THBS4: variants seen among roughly 807,000 people sequenced by gnomAD.
THBS4 encodes the protein thrombospondin-4.
THBS4 carries 90 observed loss-of-function variants against 115.7 expected under a neutral mutation model. That is an observed-to-expected ratio of 0.78 (90% CI 0.66 to 0.93). The LOEUF (loss-of-function observed/expected upper bound fraction) is 0.93, where lower values mean the gene tolerates loss of function less well. Ranked by LOEUF, THBS4 falls within the 40% of genes least tolerant of loss-of-function variation. THBS4 has a pLI of 0.00. For synonymous variants in THBS4, 460 were observed against 479.3 expected, an observed-to-expected ratio of 0.96 and a Z score of 0.53; for missense variants, 1,087 against 1,232.7, an observed-to-expected ratio of 0.88 and a Z score of 1.77.
At chr5:80,047,308 GACAC>G (rs1168201489) in intron 2 of THBS4, among the ~76,000 whole-genome samples, 1 of 152,124 alleles carries the variant, frequency 6.6e-6, no homozygotes, top group Non-Finnish European at 1.5e-5. Context: ...ATTTCACAAG[GACAC>G]TGTCAAGTCA....
chr5:80,074,583 C>T (rs1480912512), intron 15 of THBS4, among the ~76,000 whole-genome samples: 1 of 151,758 alleles, frequency 6.6e-6, no homozygotes, highest in African/African-American at 2.4e-5. Context: ...CTGACCCAAA[C>T]CTTACTCAAG....
chr5:80,005,819 T>C (rs1832004273), intron 2 of THBS4, among the ~76,000 whole-genome samples: 2 of 142,128 alleles, frequency 1.4e-5, no homozygotes, highest in Non-Finnish European at 3.0e-5. Flanking sequence ...CAGGCTGGAG[T>C]GCAGTGGCGC....
In THBS4 at chr5:80,056,035, AGG is replaced by A. The variant is rs752633367; in HGVS notation, c.540+4_540+5del. On this transcript the variant is annotated splice_donor_5th_base_variant and intron_variant, in intron 3 of 21. Coordinates refer to ENST00000350881, the MANE Select transcript of THBS4 (RefSeq NM_003248.6). ...GGACTTTCCAGAGGAAGCCACAGGT[AGG>A]AACCCACAAACCATTCTCTGAAGTG... 7 of 1,593,700 alleles carry A rather than the reference AGG, an allele frequency of 4.4e-6. No homozygotes were observed. Among genetic ancestry groups the A allele is most frequent in the South Asian group, 3.3e-5 (3 of 89,684 alleles).
chr5:80,057,775 A>T (rs1183532022), intron 3 of THBS4, among the ~76,000 whole-genome samples: 1 of 152,232 alleles, frequency 6.6e-6, no homozygotes, highest in Non-Finnish European at 1.5e-5. Context: ...ATTCATTCTC[A>T]TATCCCAAAG....
intron 2 of THBS4, among the ~76,000 whole-genome samples, chr5:80,014,911 G>A (rs1832217143): frequency 6.6e-6 from 1 of 152,160 alleles, no homozygotes; most frequent in Non-Finnish European, 1.5e-5. Context: ...ATAGAAAGGA[G>A]GAAAAAGAGT....
rs757235946 is a variant in THBS4, at chr5:80,055,771, G to A, written c.293-14G>A. 6.2e-7 allele frequency: 1 copy of A among 1,607,892 alleles called. No homozygotes were observed. The highest frequency in any genetic ancestry group is 8.5e-7 in the Non-Finnish European group (1 of 1,176,006). ...CACTTATCACACCATTGGTTGACCT[G>A]TGCTTGCTTCCAGCCATCCTCCGTT... On this transcript the variant is annotated splice_polypyrimidine_tract_variant and intron_variant, in intron 2 of 21. Transcript: ENST00000350881.
chr5:80,063,419 G>A (rs146532830), intron 8 of THBS4, among the ~76,000 whole-genome samples: 3,318 of 152,170 alleles, frequency 0.022, 118 homozygotes, highest in African/African-American at 0.075. Context: ...TAAGTTCTTT[G>A]TAGATTCTGG....
intron 14 of THBS4, 49 bp downstream of exon 14, chr5:80,072,445 CAA>C: frequency 6.6e-7 from 1 of 1,518,408 alleles, no homozygotes; most frequent in East Asian, 2.3e-5. Flanking sequence ...TTCCTCTATG[CAA>C]AGACTCATTT....
chr5:80,012,225 A>G (rs1001196787), intron 2 of THBS4, among the ~76,000 whole-genome samples: 2 of 152,218 alleles, frequency 1.3e-5, no homozygotes, highest in Non-Finnish European at 2.9e-5. Flanking sequence ...TGAACAAAAT[A>G]GCCAGACCAG....
chr5:80,035,385 A>T lies in THBS4; in HGVS notation c.-153A>T. 1 of 288,702 alleles carries T rather than the reference A, an allele frequency of 3.5e-6. No homozygotes were observed. 17.9% of individuals were successfully genotyped at this position (288,702 alleles called of 1,614,324 possible). On this transcript the variant is annotated 5_prime_UTR_variant, in exon 1 of 22. Coordinates refer to ENST00000350881, the MANE Select transcript of THBS4 (RefSeq NM_003248.6). The surrounding 1 kb of genome is among the most constrained non-coding windows in gnomAD (Gnocchi z 4.6). ...CCCAGCACCGCACGGCGGGGACGCGAGCGCGCCCCCGACGGCAGCCCGGAC... is the reference window on the plus strand; with the variant it reads ...CCCAGCACCGCACGGCGGGGACGCGTGCGCGCCCCCGACGGCAGCCCGGAC...
At chr5:80,039,474 T>C (rs1832824301) in intron 1 of THBS4, among the ~76,000 whole-genome samples, 1 of 152,256 alleles carries the variant, frequency 6.6e-6, no homozygotes, top group South Asian at 2.1e-4. Flanking sequence ...TTGTTTTGTT[T>C]CCACATTGGG....
At chr5:80,078,716 G>A (rs1743341684) in intron 17 of THBS4, 3 of 505,438 alleles carry the variant, frequency 5.9e-6, no homozygotes, top group African/African-American at 3.8e-5. Context: ...TTTCTATTCA[G>A]CTTTGAGCTT....
intron 12 of THBS4, 108 bp downstream of exon 12, chr5:80,070,858 T>A: frequency 6.4e-7 from 1 of 1,555,426 alleles, no homozygotes; most frequent in South Asian, 1.1e-5. Context: ...TTAGTTTCCA[T>A]GCCTGCATTC....
Position 80,003,383 on chromosome 5 carries a change from G to T in THBS4, n.177+4956G>T, listed in dbSNP as rs146652667. ...GAGGAGAAGTAAGTAGGGAGAGAGA[G>T]AAAAAGGGAAGGAATGGTTTTGAAC... On this transcript the variant is annotated intron_variant and non_coding_transcript_variant, in intron 2 of 3. Coordinates refer to the THBS4 transcript ENST00000510218. 8.5e-5 allele frequency among the ~76,000 whole-genome samples: 13 copies of T among 152,162 alleles called. No individual in the cohort carries two copies. In the East Asian group the frequency reaches 2.5e-3, roughly 29 times the overall value.
In THBS4 at chr5:80,071,250, T is replaced by C. The variant is rs1159340600; in HGVS notation, c.1720+70T>C. The C allele has an allele frequency of 4.6e-6, 7 of 1,518,042 alleles. No individual in the cohort carries two copies. In the East Asian group the frequency reaches 1.2e-4, roughly 25 times the overall value. 94.0% of individuals were successfully genotyped at this position (1,518,042 alleles called of 1,614,324 possible). A position where few individuals can be genotyped will look rare whatever the true frequency, so the allele number is the denominator to read the frequency against. On this transcript the variant is annotated intron_variant, in intron 13 of 21. Transcript: ENST00000350881. ...CTTGTTCCATTGTTCTCTGAGAGAG[T>C]AGGAATAGAATGACTGATTCGGAGC...
intron 2 of THBS4, among the ~76,000 whole-genome samples, chr5:80,010,152 C>T (rs987613564): frequency 1.3e-5 from 2 of 152,180 alleles, no homozygotes; most frequent in African/African-American, 4.8e-5. Context: ...AAACATAATA[C>T]ACAACACCTA....
At chr5:80,064,715 G>T (rs1325203119) in intron 8 of THBS4, among the ~76,000 whole-genome samples, 1 of 152,160 alleles carries the variant, frequency 6.6e-6, no homozygotes, top group Non-Finnish European at 1.5e-5. Context: ...CTGAGCGACA[G>T]AGCAAGACCC....
intron 2 of THBS4, among the ~76,000 whole-genome samples, chr5:80,010,711 A>T (rs983805336): frequency 2.6e-5 from 4 of 152,264 alleles, no homozygotes; most frequent in Admixed American, 2.6e-4. Flanking sequence ...AACTGGGAAG[A>T]TGGAAAAGTT....
chr5:80,052,360 AAGG>A (rs1833282886), intron 2 of THBS4: 1 of 152,222 alleles, frequency 6.6e-6, no homozygotes, highest in Non-Finnish European at 1.5e-5. Context: ...TATTAAATAA[AAGG>A]AGAAGAATTC....
Sources: gnomAD v4.1 joint callset for allele counts (sites outside exome capture counted in the v4.1 genomes callset) on GRCh38, gnomAD v4.1.1 for gene constraint, Gnocchi (gnomAD v3.1) non-coding constraint, MANE v1.5 for transcripts, NCBI Gene and HGNC (gene_info 2026-07-23, HGNC 2026-07-21) for gene names.